Variants in FCAMR observed in about 807,000 individuals in gnomAD.
The protein encoded by FCAMR is Fc alpha and mu receptor, also known as high affinity immunoglobulin alpha and immunoglobulin mu Fc receptor.
In FCAMR, 51 loss-of-function variants were observed where a neutral mutation model predicts 52.2. That is an observed-to-expected ratio of 0.98 (90% CI 0.78 to 1.23). FCAMR has a LOEUF of 1.23. Ranked by LOEUF, FCAMR falls within the 50% of genes most tolerant of loss-of-function variation. The pLI is 0.00. For missense variants in FCAMR, 719 were observed against 712.6 expected (o/e 1.01, Z -0.10); for synonymous variants, 282 against 262.0 (o/e 1.08, Z -0.74).
chr1:206,964,401 C>T (rs1025431325), intron 4 of FCAMR, among the ~76,000 whole-genome samples: 4 of 152,154 alleles, frequency 2.6e-5, no homozygotes, highest in South Asian at 2.1e-4. Context: ...TTTGGATGTT[C>T]GTCCCCTCCA....
At chr1:206,968,671 A>G (rs888524053) in intron 1 of FCAMR, among the ~76,000 whole-genome samples, 8 of 152,172 alleles carry the variant, frequency 5.3e-5, no homozygotes, top group African/African-American at 1.9e-4. Flanking sequence ...GGGAATCACA[A>G]AGAGGAAAAC....
chr1:206,963,717 G>C (rs993629264), intron 4 of FCAMR, among the ~76,000 whole-genome samples: 2 of 152,140 alleles, frequency 1.3e-5, no homozygotes, highest in Admixed American at 6.5e-5. Flanking sequence ...CTCCAGAGTT[G>C]GGCAGAGTGG....
intron 1 of FCAMR, among the ~76,000 whole-genome samples, chr1:206,968,698 G>T (rs1195819485): frequency 1.3e-5 from 2 of 152,172 alleles, no homozygotes; most frequent in Admixed American, 1.3e-4. Context: ...TAGGGGAAAA[G>T]AGAAGGCAGA....
At chr1:206,962,013 T>C (rs187029001) in intron 5 of FCAMR, among the ~76,000 whole-genome samples, 200 bp downstream of exon 5, 5 of 152,340 alleles carry the variant, frequency 3.3e-5, no homozygotes, top group Admixed American at 3.3e-4. Context: ...GGGGAAGTTT[T>C]TCCTAAAATC....
intron 1 of FCAMR, among the ~76,000 whole-genome samples, chr1:206,968,917 C>A (rs1422499513): frequency 6.6e-6 from 1 of 152,168 alleles, no homozygotes; most frequent in African/African-American, 2.4e-5. Context: ...CCAGTTTGAG[C>A]CCCAAGAATG....
intron 6 of FCAMR, chr1:206,960,144 C>T (rs755229251): frequency 5.9e-5 from 30 of 504,250 alleles, no homozygotes; most frequent in Admixed American, 2.2e-4. Context: ...CTCTCCGGAG[C>T]GCCTATTCTT....
intron 7 of FCAMR, among the ~76,000 whole-genome samples, 200 bp downstream of exon 7, chr1:206,959,475 TAAAA>T (rs371737879): frequency 2.6e-5 from 2 of 76,488 alleles, no homozygotes; most frequent in African/African-American, 9.3e-5. Context: ...AGAGTCTGTC[TAAAA>T]AAAAAAAAAA....
At chr1:206,962,771 C>T (rs1050907923) in intron 4 of FCAMR, among the ~76,000 whole-genome samples, 2 of 152,180 alleles carry the variant, frequency 1.3e-5, no homozygotes. Flanking sequence ...ATCTTACCCA[C>T]CTTGATAAGC....
chr1:206,961,909 A>C (rs1304847088), intron 5 of FCAMR, among the ~76,000 whole-genome samples: 4 of 152,232 alleles, frequency 2.6e-5, no homozygotes, highest in African/African-American at 9.6e-5. Flanking sequence ...TCAGGATCCT[A>C]AGAAGCCACG....
At chr1:206,962,071 T>C in intron 5 of FCAMR, 142 bp downstream of exon 5, 1 of 843,688 alleles carries the variant, frequency 1.2e-6, no homozygotes, top group Non-Finnish European at 1.8e-6. Flanking sequence ...AGCCTACTTC[T>C]TAAAGTCTTT....
Position 206,962,480 on chromosome 1 carries a change from A to G in FCAMR, c.385T>C (p.Tyr129His). 6.2e-7 allele frequency: 1 copy of G among 1,611,796 alleles called. No homozygotes were observed. Among genetic ancestry groups the G allele is most frequent in the Middle Eastern group, 1.7e-4 (1 of 6,058 alleles). Reference protein sequence around the residue: ...PGGAVTIQCHYAPSSVNRHQR... With the variant: ...PGGAVTIQCHHAPSSVNRHQR... ...TGCCTGTTGACAGATGAGGGGGCAT[A>G]ATGGCACTGGATGGTGACAGCTCCT... Residue 129 changes from tyrosine (Y) to histidine (H), a missense_variant, in exon 5 of 8, where the codon TAT becomes CAT. Physicochemically the swap from Tyr to His is moderately conservative, Grantham distance 83. Coordinates refer to ENST00000324852, the MANE Select transcript of FCAMR (RefSeq NM_001170631.2).
Position 206,970,336 on chromosome 1 carries a change from A to G in FCAMR, c.-211T>C, listed in dbSNP as rs539912925. On this transcript the variant is annotated 5_prime_UTR_variant, in exon 1 of 8. Transcript: ENST00000324852. ...CACTTCTCTTTGGATTTTATTATTTATAAGAGGAAGCCAGTCCTAATCCCT... is the reference window on the plus strand; with the variant it reads ...CACTTCTCTTTGGATTTTATTATTTGTAAGAGGAAGCCAGTCCTAATCCCT... 6.0e-5 allele frequency: 34 copies of G among 565,728 alleles called. No individual in the cohort carries two copies. In the African/African-American group the frequency reaches 6.1e-4, roughly 10 times the overall value. 35.0% of individuals were successfully genotyped at this position (565,728 alleles called of 1,614,324 possible).
chr1:206,962,645 TCA>T, intron 4 of FCAMR, 94 bp from the exon 5 acceptor site: 1 of 1,088,300 alleles, frequency 9.2e-7, no homozygotes, highest in Non-Finnish European at 1.3e-6. Context: ...GAATTAGGGG[TCA>T]AGTCAGAAAA....
intron 4 of FCAMR, among the ~76,000 whole-genome samples, chr1:206,963,295 T>C (rs1680580643): frequency 6.6e-6 from 1 of 152,168 alleles, no homozygotes; most frequent in South Asian, 2.1e-4. Context: ...TGAATATGTC[T>C]GCTTGGCAAC....
At chr1:206,959,531 C>A in intron 7 of FCAMR, 148 bp downstream of exon 7, 23 of 542,538 alleles carry the variant, frequency 4.2e-5, no homozygotes, top group East Asian at 1.2e-4. Flanking sequence ...AGAAAAGAAA[C>A]CAAGGCCAAG....
chr1:206,960,450 G>GT lies in FCAMR; in HGVS notation c.1425dup (p.Pro476ThrfsTer16). The GT allele has an allele frequency of 6.6e-7, 1 of 1,515,622 alleles. No homozygotes were observed. Among genetic ancestry groups the GT allele is most frequent in the Non-Finnish European group, 8.8e-7 (1 of 1,130,696 alleles). 93.9% of individuals were successfully genotyped at this position (1,515,622 alleles called of 1,614,324 possible). ...TTCACGGAGGACTCCTTGCCAGGGGGTCCCCAGGGTCCTACTGCCGGGGTC... is the reference window on the plus strand; with the variant it reads ...TTCACGGAGGACTCCTTGCCAGGGGGTTCCCCAGGGTCCTACTGCCGGGGTC... On this transcript the variant is annotated frameshift_variant, in exon 6 of 8. Transcript: ENST00000324852. LOFTEE classifies it high-confidence loss of function.
intron 1 of FCAMR, chr1:206,969,291 G>A (rs542145995): frequency 1.0e-4 from 46 of 456,414 alleles, no homozygotes; most frequent in Middle Eastern, 3.3e-4. Flanking sequence ...AGCCGGCTCC[G>A]TGGGGCAATG....
rs773585483 is a variant in FCAMR at position 206,970,135 on chromosome 1, G to A, written c.-10C>T. The A allele has an allele frequency of 6.2e-6, 10 of 1,613,810 alleles. No individual in the cohort carries two copies. Reference sequence around the variant, plus strand: ...TGGCCTCTCCATCCATCTCAGTCCAGAAACAAGATCCAGGTGGACTTTTCT... The same window carrying A: ...TGGCCTCTCCATCCATCTCAGTCCAAAAACAAGATCCAGGTGGACTTTTCT... On this transcript the variant is annotated 5_prime_UTR_variant, in exon 1 of 8. Coordinates refer to ENST00000324852, the MANE Select transcript of FCAMR (RefSeq NM_001170631.2).
At position 206,960,705 on chromosome 1, in the gene FCAMR, G is replaced by A. The variant is rs1325071781; in HGVS notation, c.1171C>T (p.Leu391Phe). ...TTAGAAACTGGCGTTGCTTGTGGGAGGATTTCCCAGGCCAAAGTTTCTGAG... is the reference window on the plus strand; with the variant it reads ...TTAGAAACTGGCGTTGCTTGTGGGAAGATTTCCCAGGCCAAAGTTTCTGAG... The part of the protein sequence containing the change: ...LVSETLAWEI[L>F]PQATPVSKQQ... Residue 391 changes from leucine (L) to phenylalanine (F), a missense_variant, in exon 6 of 8, where the codon CTC (leucine) becomes TTC (phenylalanine). Coordinates refer to ENST00000324852, the MANE Select transcript of FCAMR (RefSeq NM_001170631.2). The A allele has an allele frequency of 1.3e-6, 2 of 1,552,274 alleles. No individual in the cohort carries two copies. Among genetic ancestry groups the A allele is most frequent in the South Asian group, 2.4e-5 (2 of 84,066 alleles).
Sources: gnomAD v4.1 joint callset for allele counts (sites outside exome capture counted in the v4.1 genomes callset) on GRCh38, gnomAD v4.1.1 for gene constraint, MANE v1.5 for transcripts, NCBI Gene and HGNC (gene_info 2026-07-23, HGNC 2026-07-21) for gene names.